The following PKDREJ variants were observed in gnomAD, a reference collection of about 807,000 sequenced individuals.
The protein encoded by PKDREJ is PKD and REJ homolog.
For synonymous variants in PKDREJ, 1,031 were observed against 1,095.5 expected (o/e 0.94, Z 1.16); for missense variants, 2,507 against 2,807.2 (o/e 0.89, Z 2.42).
In PKDREJ at chr22:46,262,219, G is replaced by T. The variant is rs1332257987; in HGVS notation, c.1104C>A (p.Ser368Arg). ...GSTSSDPDAD[S>R]PLQGLQFFWY... ...AAAAGAACTGGAGTCCCTGTAACGG[G>T]CTGTCCGCATCTGGGTCCGAGGACG... The change falls in exon 1 of 1, where the codon AGC becomes AGA. Residue 368 changes from serine to arginine, a missense_variant. Ser to Arg is a moderately radical substitution (Grantham distance 110, BLOSUM62 -1). Transcript: ENST00000253255. This position sits in a 1 kb window ranked among gnomAD's most constrained non-coding sequence, Gnocchi z 8.1. 5 of 1,614,170 alleles carry T rather than the reference G, an allele frequency of 3.1e-6. No individual in the cohort carries two copies.
In PKDREJ at chr22:46,262,835, G is replaced by A. The variant is rs570111702; in HGVS notation, c.488C>T (p.Ser163Phe). ...ARPASPAARV[S>F]PRSAAPGPRP... ...CGGGCCTGGCGCGGCGGAGCGCGGG[G>A]AGACGCGGGCCGCGGGGGAGGCCGG... Residue 163 changes from serine (S) to phenylalanine (F), a missense_variant, in exon 1 of 1, where the codon TCC becomes TTC. Coordinates refer to ENST00000253255, the MANE Select transcript of PKDREJ (RefSeq NM_006071.2). This position sits in a 1 kb window ranked among gnomAD's most constrained non-coding sequence, Gnocchi z 8.1. 3.2e-6 allele frequency: 4 copies of A among 1,232,804 alleles called. No individual in the cohort carries two copies. The highest frequency in any genetic ancestry group is 4.1e-6 in the Non-Finnish European group (4 of 981,006). The allele number at this position is 1,232,804 out of a possible 1,614,324, so 76.4% of individuals were successfully genotyped here. A position where few individuals can be genotyped will look rare whatever the true frequency, so the allele number is the denominator to read the frequency against.
Position 46,259,256 on chromosome 22 carries a change from T to C in PKDREJ, c.4067A>G (p.Asp1356Gly). Residue 1356 changes from aspartate to glycine, a missense_variant, in exon 1 of 1, where the codon GAC becomes GGC. Asp to Gly is a moderately conservative substitution (Grantham distance 94). Transcript: ENST00000253255. This position sits in a 1 kb window ranked among gnomAD's most constrained non-coding sequence, Gnocchi z 6.8. ...THPDERLTRK[D>G]FFFIDVSSNL... ...ACTACTCACATCTATAAAGAAAAAG[T>C]CTTTTCTAGTCAGACGCTCATCTGG... 1 of 1,613,952 alleles carries C rather than the reference T, an allele frequency of 6.2e-7. No individual in the cohort carries two copies. Among genetic ancestry groups the C allele is most frequent in the Non-Finnish European group, 8.5e-7 (1 of 1,179,966 alleles).
rs745703603 is a variant in PKDREJ, at chr22:46,262,238, G to A, written c.1085C>T (p.Ser362Leu). 51 of 1,614,042 alleles carry A rather than the reference G, an allele frequency of 3.2e-5. No homozygotes were observed. The highest frequency in any genetic ancestry group is 6.7e-5 in the Admixed American group (4 of 60,004). ...TAACGGGCTGTCCGCATCTGGGTCC[G>A]AGGACGTGGACCCGTCCAGAATCAG... ...EQLILDGSTS[S>L]DPDADSPLQG... Residue 362 changes from serine (S) to leucine (L), a missense_variant, in exon 1 of 1, where the codon TCG becomes TTG. Ser to Leu is a moderately radical substitution (Grantham distance 145). Coordinates refer to ENST00000253255, the MANE Select transcript of PKDREJ (RefSeq NM_006071.2). This position sits in a 1 kb window ranked among gnomAD's most constrained non-coding sequence, Gnocchi z 8.1.
rs1249749613 is a variant in PKDREJ at position 46,259,706 on chromosome 22, T to C, written c.3617A>G (p.Tyr1206Cys). Residue 1206 changes from tyrosine (Y) to cysteine (C), a missense_variant, in exon 1 of 1, where the codon TAC (tyrosine) becomes TGC (cysteine). Transcript: ENST00000253255. The surrounding 1 kb of genome is among the most constrained non-coding windows in gnomAD (Gnocchi z 6.8). ...AAGATGCTGGTCCATTTCATCCCTG[T>C]ATAAAGCCCAAAAAGCTAGGCCCAC... is the stretch of plus-strand genomic sequence containing the variant. ...LYVGLAFWAL[Y>C]RDEMDQHLRG... The C allele has an allele frequency of 1.4e-5, 22 of 1,614,008 alleles. No homozygotes were observed. The highest frequency in any genetic ancestry group is 1.7e-5 in the Non-Finnish European group (20 of 1,180,016).
At position 46,257,307 on chromosome 22, in the gene PKDREJ, T is replaced by C. The variant is rs1199000672; in HGVS notation, c.6016A>G (p.Lys2006Glu). ...SVYNLLNFAL[K>E]CIFTVLIVLF... ...ACAATCAACACAGTAAATATGCACT[T>C]TAAAGCAAAGTTGAGCAAATTATAC... Residue 2006 changes from lysine to glutamate, a missense_variant, in exon 1 of 1, where the codon AAG becomes GAG. Physicochemically the swap from Lys to Glu is moderately conservative, Grantham distance 56 (BLOSUM62 1). Coordinates refer to ENST00000253255, the MANE Select transcript of PKDREJ (RefSeq NM_006071.2). This position sits in a 1 kb window ranked among gnomAD's most constrained non-coding sequence, Gnocchi z 4.7. 6.2e-7 allele frequency: 1 copy of C among 1,614,034 alleles called. No homozygotes were observed. The highest frequency in any genetic ancestry group is 8.5e-7 in the Non-Finnish European group (1 of 1,180,010).
At position 46,259,825 on chromosome 22, in the gene PKDREJ, G is replaced by C; in HGVS notation, c.3498C>G (p.Ile1166Met). The stretch of plus-strand genomic sequence containing the variant: ...TTAACCGTAGATCCACAGGATTAGG[G>C]ATCACAATCACCTTGGCCATCACAT... ...THYVMAKVIV[I>M]PNPVDLRLNI... The change falls in exon 1 of 1, where the codon ATC (isoleucine) becomes ATG (methionine). Residue 1166 changes from isoleucine to methionine, a missense_variant. Transcript: ENST00000253255. The surrounding 1 kb of genome is among the most constrained non-coding windows in gnomAD (Gnocchi z 6.8). The C allele has an allele frequency of 6.2e-7, 1 of 1,613,700 alleles. No homozygotes were observed. Among genetic ancestry groups the C allele is most frequent in the East Asian group, 2.2e-5 (1 of 44,878 alleles).
Position 46,263,235 on chromosome 22 carries a change from C to A in PKDREJ, c.88G>T (p.Ala30Ser). 6.9e-7 allele frequency: 1 copy of A among 1,439,784 alleles called. No individual in the cohort carries two copies. Among genetic ancestry groups the A allele is most frequent in the Non-Finnish European group, 9.1e-7 (1 of 1,101,434 alleles). 89.2% of individuals were successfully genotyped at this position (1,439,784 alleles called of 1,614,324 possible). A position where few individuals can be genotyped will look rare whatever the true frequency, so the allele number is the denominator to read the frequency against. ...RLPLPPVPRG[A>S]QAAVSGAPGG... ...GGCGCCCCGGAGACGGCGGCTTGTG[C>A]CCCGCGAGGAACCGGCGGCAGCGGG... Residue 30 changes from alanine (A) to serine (S), a missense_variant, in exon 1 of 1, where the codon GCA (alanine) becomes TCA (serine). Ala to Ser is a moderately conservative substitution (Grantham distance 99). Transcript: ENST00000253255. The surrounding 1 kb of genome is among the most constrained non-coding windows in gnomAD (Gnocchi z 9.4).
Position 46,261,103 on chromosome 22 carries a change from C to T in PKDREJ, c.2220G>A (p.Gln740=). The change falls in exon 1 of 1, where the codon CAG becomes CAA. Residue 740 remains glutamine, a synonymous_variant. Coordinates refer to ENST00000253255, the MANE Select transcript of PKDREJ (RefSeq NM_006071.2). The surrounding 1 kb of genome is among the most constrained non-coding windows in gnomAD (Gnocchi z 7.1). ...RVNLRKHLID[Q]SFLLPVSTLV... ...AAGTGCTTACAGGAAGAAGGAAAGA[C>T]TGATCGATGAGGTGTTTTCGGAGAT... The T allele has an allele frequency of 6.2e-7, 1 of 1,614,156 alleles. No homozygotes were observed. The highest frequency in any genetic ancestry group is 8.5e-7 in the Non-Finnish European group (1 of 1,180,020).
Position 46,258,234 on chromosome 22 carries a change from A to C in PKDREJ, c.5089T>G (p.Phe1697Val). The C allele has an allele frequency of 6.2e-7, 1 of 1,614,188 alleles. No homozygotes were observed. The highest frequency in any genetic ancestry group is 1.1e-5 in the South Asian group (1 of 91,084). The change falls in exon 1 of 1, where the codon TTC (phenylalanine) becomes GTC (valine). Residue 1697 changes from phenylalanine to valine, a missense_variant. Coordinates refer to ENST00000253255, the MANE Select transcript of PKDREJ (RefSeq NM_006071.2). This position sits in a 1 kb window ranked among gnomAD's most constrained non-coding sequence, Gnocchi z 6.1. ...CTCTTGATCCTCTTCTTTCTTTTGAATATTCTGATTTCATCTTCTGTAAGG... is the reference window on the plus strand; with the variant it reads ...CTCTTGATCCTCTTCTTTCTTTTGACTATTCTGATTTCATCTTCTGTAAGG... The part of the protein sequence containing the change: ...QPLTEDEIRI[F>V]KRKKRIKRRA...
Position 46,262,760 on chromosome 22 carries a change from G to T in PKDREJ, c.563C>A (p.Pro188His). Reference sequence around the variant, plus strand: ...GACGGCCTGCAACATCACGCGCGCGGGGCCGTCTGTGGGGCACTCGGTGCG... The same window carrying T: ...GACGGCCTGCAACATCACGCGCGCGTGGCCGTCTGTGGGGCACTCGGTGCG... ...VARTECPTDG[P>H]ARVMLQAVNS... The change falls in exon 1 of 1, where the codon CCC becomes CAC. Residue 188 changes from proline (P) to histidine (H), a missense_variant. Physicochemically the swap from Pro to His is moderately conservative, Grantham distance 77. Coordinates refer to ENST00000253255, the MANE Select transcript of PKDREJ (RefSeq NM_006071.2). This position sits in a 1 kb window ranked among gnomAD's most constrained non-coding sequence, Gnocchi z 8.1. 2.5e-6 allele frequency: 4 copies of T among 1,588,562 alleles called. No individual in the cohort carries two copies. Among genetic ancestry groups the T allele is most frequent in the Middle Eastern group, 1.8e-4 (1 of 5,656 alleles).
In PKDREJ at chr22:46,258,479, A is replaced by C. The variant is rs1406831194; in HGVS notation, c.4844T>G (p.Phe1615Cys). The change falls in exon 1 of 1, where the codon TTT (phenylalanine) becomes TGT (cysteine). Residue 1615 changes from phenylalanine to cysteine, a missense_variant. By Grantham distance (205) the Phe-to-Cys change is radical. Transcript: ENST00000253255. This position sits in a 1 kb window ranked among gnomAD's most constrained non-coding sequence, Gnocchi z 6.1. ...AAGAACTGACTGACAGAATGAACAA[A>C]AAGATGCAAAGAGCCATTCTATTGA... ...DKSIEWLFAS[F>C]CSFCQSVLLV... 3 of 1,614,110 alleles carry C rather than the reference A, an allele frequency of 1.9e-6. No individual in the cohort carries two copies. Among genetic ancestry groups the C allele is most frequent in the South Asian group, 2.2e-5 (2 of 91,088 alleles).
rs1438273669 is a variant in PKDREJ at position 46,263,042 on chromosome 22, C to T, written c.281G>A (p.Arg94His). 4.2e-5 allele frequency: 56 copies of T among 1,328,776 alleles called. No homozygotes were observed. Among genetic ancestry groups the T allele is most frequent in the Non-Finnish European group, 5.2e-5 (54 of 1,029,254 alleles). 82.3% of individuals were successfully genotyped at this position (1,328,776 alleles called of 1,614,324 possible). ...CAGGCGTTGGGCGCTGAGCAGGACG[C>T]GCAAGTCGAGGCAGTACCAGCGCCG... is the stretch of plus-strand genomic sequence containing the variant. ...TGRRWYCLDL[R>H]VLLSAQRLPW... The change falls in exon 1 of 1, where the codon CGC (arginine) becomes CAC (histidine). Residue 94 changes from arginine to histidine, a missense_variant. Transcript: ENST00000253255. This position sits in a 1 kb window ranked among gnomAD's most constrained non-coding sequence, Gnocchi z 9.4.
chr22:46,256,948 A>G lies in PKDREJ; in HGVS notation c.6375T>C (p.Thr2125=). The stretch of plus-strand genomic sequence containing the variant: ...AGACACAATAGGAAAATACTGTCTG[A>G]GTGGAATGAATCAAGTTACTGTAGT... ...EWNYSNLIHS[T]QTVFSYCVSA... Residue 2125 remains threonine, a synonymous_variant, in exon 1 of 1, where the codon ACT becomes ACC. Transcript: ENST00000253255. This position sits in a 1 kb window ranked among gnomAD's most constrained non-coding sequence, Gnocchi z 5.3. The G allele has an allele frequency of 3.7e-6, 6 of 1,614,006 alleles. No individual in the cohort carries two copies. The highest frequency in any genetic ancestry group is 5.1e-6 in the Non-Finnish European group (6 of 1,179,980).
chr22:46,258,257 A>T lies in PKDREJ; in HGVS notation c.5066T>A (p.Leu1689His), dbSNP rs1936655109. 1.2e-6 allele frequency: 2 copies of T among 1,614,058 alleles called. No homozygotes were observed. Among genetic ancestry groups the T allele is most frequent in the African/African-American group, 2.7e-5 (2 of 74,940 alleles). ...RIRGTRMYQP[L>H]TEDEIRIFKR... ...GAATATTCTGATTTCATCTTCTGTA[A>T]GGGGTTGGTACATCCTCGTGCCTCG... The change falls in exon 1 of 1, where the codon CTT becomes CAT. Residue 1689 changes from leucine (L) to histidine (H), a missense_variant. Transcript: ENST00000253255. This position sits in a 1 kb window ranked among gnomAD's most constrained non-coding sequence, Gnocchi z 6.1.
chr22:46,262,780 G>C lies in PKDREJ; in HGVS notation c.543C>G (p.Thr181=). The stretch of plus-strand genomic sequence containing the variant: ...GCGCGGGGCCGTCTGTGGGGCACTC[G>C]GTGCGGGCCACGAAGCCCTGCTGGG... ...PRPQQGFVAR[T]ECPTDGPARV... The change falls in exon 1 of 1, where the codon ACC becomes ACG. Residue 181 remains threonine, a synonymous_variant. Transcript: ENST00000253255. The surrounding 1 kb of genome is among the most constrained non-coding windows in gnomAD (Gnocchi z 8.1). 1.3e-6 allele frequency: 2 copies of C among 1,521,064 alleles called. No homozygotes were observed. Among genetic ancestry groups the C allele is most frequent in the South Asian group, 2.5e-5 (2 of 78,622 alleles). 94.2% of individuals were successfully genotyped at this position (1,521,064 alleles called of 1,614,324 possible).
chr22:46,263,039 A>T lies in PKDREJ; in HGVS notation c.284T>A (p.Val95Asp). 3 of 1,326,416 alleles carry T rather than the reference A, an allele frequency of 2.3e-6. No individual in the cohort carries two copies. The highest frequency in any genetic ancestry group is 2.9e-6 in the Non-Finnish European group (3 of 1,028,270). The allele number at this position is 1,326,416 out of a possible 1,614,324, so 82.2% of individuals were successfully genotyped here. A position where few individuals can be genotyped will look rare whatever the true frequency, so the allele number is the denominator to read the frequency against. Residue 95 changes from valine (V) to aspartate (D), a missense_variant, in exon 1 of 1, where the codon GTC (valine) becomes GAC (aspartate). Physicochemically the swap from Val to Asp is radical, Grantham distance 152. Coordinates refer to ENST00000253255, the MANE Select transcript of PKDREJ (RefSeq NM_006071.2). The surrounding 1 kb of genome is among the most constrained non-coding windows in gnomAD (Gnocchi z 9.4). Reference sequence around the variant, plus strand: ...GGGCAGGCGTTGGGCGCTGAGCAGGACGCGCAAGTCGAGGCAGTACCAGCG... The same window carrying T: ...GGGCAGGCGTTGGGCGCTGAGCAGGTCGCGCAAGTCGAGGCAGTACCAGCG... ...GRRWYCLDLR[V>D]LLSAQRLPWP...
Position 46,262,723 on chromosome 22 carries a change from G to A in PKDREJ, c.600C>T (p.Ser200=). The change falls in exon 1 of 1, where the codon AGC becomes AGT. Residue 200 remains serine, a synonymous_variant. Transcript: ENST00000253255. This position sits in a 1 kb window ranked among gnomAD's most constrained non-coding sequence, Gnocchi z 8.1. ...ACACGGACGACTCGACGGCTCTGTG[G>A]CTGGACGAGTTGACGGCCTGCAACA... ...RVMLQAVNSS[S]HRAVESSVSC... 1 of 1,610,532 alleles carries A rather than the reference G, an allele frequency of 6.2e-7. No homozygotes were observed. Among genetic ancestry groups the A allele is most frequent in the Non-Finnish European group, 8.5e-7 (1 of 1,178,886 alleles).
Position 46,257,753 on chromosome 22 carries a change from G to A in PKDREJ, c.5570C>T (p.Thr1857Ile). 1 of 1,614,084 alleles carries A rather than the reference G, an allele frequency of 6.2e-7. No individual in the cohort carries two copies. ...QAIDESTNGF[T>I]YKPQGTQWLY... ...CCATTGCGTTCCTTGAGGCTTATAAGTAAATCCATTGGTACTCTCATCTAT... is the reference window on the plus strand; with the variant it reads ...CCATTGCGTTCCTTGAGGCTTATAAATAAATCCATTGGTACTCTCATCTAT... The change falls in exon 1 of 1, where the codon ACT (threonine) becomes ATT (isoleucine). Residue 1857 changes from threonine to isoleucine, a missense_variant. By Grantham distance (89) the Thr-to-Ile change is moderately conservative (BLOSUM62 -1). Transcript: ENST00000253255. This position sits in a 1 kb window ranked among gnomAD's most constrained non-coding sequence, Gnocchi z 4.7.
Position 46,261,131 on chromosome 22 carries a change from A to C in PKDREJ, c.2192T>G (p.Val731Gly). The C allele has an allele frequency of 6.2e-7, 1 of 1,613,698 alleles. No individual in the cohort carries two copies. The highest frequency in any genetic ancestry group is 8.5e-7 in the Non-Finnish European group (1 of 1,179,698). Residue 731 changes from valine (V) to glycine (G), a missense_variant, in exon 1 of 1, where the codon GTC (valine) becomes GGC (glycine). Val to Gly is a moderately radical substitution (Grantham distance 109, BLOSUM62 -3). Transcript: ENST00000253255. The surrounding 1 kb of genome is among the most constrained non-coding windows in gnomAD (Gnocchi z 7.1). ...KTELPLRDDRVNLRKHLIDQS... is the reference protein window; with the variant it reads ...KTELPLRDDRGNLRKHLIDQS... ...ATCGATGAGGTGTTTTCGGAGATTG[A>C]CTCTGTCATCTCGGAGAGGTAATTC...
Sources: gnomAD v4.1 joint callset for allele counts on GRCh38, gnomAD v4.1.1 for gene constraint, Gnocchi (gnomAD v3.1) non-coding constraint, MANE v1.5 for transcripts, NCBI Gene and HGNC (gene_info 2026-07-23, HGNC 2026-07-21) for gene names.